Variants in ANK1 observed in about 807,000 individuals in gnomAD.
ANK1 encodes ankyrin 1.
A neutral mutation model predicts 210.4 loss-of-function variants in ANK1; 51 were observed. The ratio of observed to expected loss-of-function variants is 0.24; its 90% CI spans 0.19 to 0.31. The LOEUF (loss-of-function observed/expected upper bound fraction) is 0.31, where lower values mean the gene tolerates loss of function less well. ANK1 is among the 10% of genes least tolerant of loss of function. ANK1 has a pLI of 1.00. For missense variants in ANK1, 2,051 were observed against 2,504.4 expected, an observed-to-expected ratio of 0.82 and a Z score of 3.86; for synonymous variants, 967 against 1,025.9, an observed-to-expected ratio of 0.94 and a Z score of 1.10.
intron 1 of ANK1, among the ~76,000 whole-genome samples, chr8:41,836,474 T>A (rs994425141): frequency 2.0e-5 from 3 of 152,220 alleles, no homozygotes; most frequent in African/African-American, 7.2e-5. Context: ...TGCTGGGCCC[T>A]TCCTTGACAC....
intron 31 of ANK1, among the ~76,000 whole-genome samples, chr8:41,692,146 T>TC (rs1251482287): frequency 5.3e-5 from 8 of 151,682 alleles, no homozygotes; most frequent in Non-Finnish European, 1.2e-4. Context: ...AACCTCTGCC[T>TC]CCCGGGTTCA....
intron 1 of ANK1, among the ~76,000 whole-genome samples, chr8:41,794,746 C>T (rs1276992400): frequency 6.6e-6 from 1 of 152,140 alleles, no homozygotes; most frequent in African/African-American, 2.4e-5. Context: ...ACTCTGTCAC[C>T]CAGGCTGGAG....
At chr8:41,770,421 G>C (rs2150733040) in intron 1 of ANK1, among the ~76,000 whole-genome samples, 1 of 152,318 alleles carries the variant, frequency 6.6e-6, no homozygotes, top group East Asian at 1.9e-4. Flanking sequence ...GATCTTACAA[G>C]TAAAATATTC....
rs562427882 is a variant in ANK1 at position 41,768,206 on chromosome 8, T to C, written c.28-10069A>G. Among the ~76,000 whole-genome samples the C allele has an allele frequency of 3.4e-4, 51 of 152,108 alleles. 1 individual carries two copies. In the South Asian group the frequency reaches 1.0e-2, roughly 30 times the overall value. ...AGACTAGGGGTGACATCATCAAGAG[T>C]AGGCTCAATTCAGAGGGATGAGGGA... On this transcript the variant is annotated intron_variant, in intron 1 of 42. Coordinates refer to ENST00000289734, the MANE Select transcript of ANK1 (RefSeq NM_000037.4).
At chr8:41,867,802 C>T (rs138068522) in intron 1 of ANK1, among the ~76,000 whole-genome samples, 1 of 152,340 alleles carries the variant, frequency 6.6e-6, no homozygotes, top group East Asian at 1.9e-4. Context: ...CAGCACAAGG[C>T]ACACAGTCAA....
intron 1 of ANK1, among the ~76,000 whole-genome samples, chr8:41,786,070 C>T (rs578088048): frequency 6.6e-6 from 1 of 152,338 alleles, no homozygotes; most frequent in South Asian, 2.1e-4. Context: ...TCTCCTCCTC[C>T]CGAGTTTCCA....
intron 2 of ANK1, among the ~76,000 whole-genome samples, chr8:41,748,739 A>T (rs751942753): frequency 1.3e-5 from 2 of 152,238 alleles, no homozygotes; most frequent in Non-Finnish European, 2.9e-5. Context: ...AGCTCAAAAA[A>T]TATTTGTTGA....
intron 1 of ANK1, among the ~76,000 whole-genome samples, chr8:41,826,023 C>T (rs1245375499): frequency 6.6e-6 from 1 of 152,158 alleles, no homozygotes; most frequent in Non-Finnish European, 1.5e-5. Context: ...ACCCTTGGTC[C>T]TGCCCACTAG....
At chr8:41,686,419 C>T in intron 35 of ANK1, 136 bp from the exon 36 acceptor site, 2 of 1,126,198 alleles carry the variant, frequency 1.8e-6, no homozygotes, top group Non-Finnish European at 1.3e-6. Flanking sequence ...GGCAGCCTCC[C>T]TGTGGGTTTG....
chr8:41,737,077 T>A (rs1833621591), intron 2 of ANK1, among the ~76,000 whole-genome samples: 1 of 152,160 alleles, frequency 6.6e-6, no homozygotes. Flanking sequence ...AGCAGCCGGA[T>A]CACTTGAGGG....
chr8:41,769,977 C>CTTTTTTTTTTTTTT (rs59542968), intron 1 of ANK1, among the ~76,000 whole-genome samples: 6 of 86,634 alleles, frequency 6.9e-5, no homozygotes, highest in Non-Finnish European at 1.0e-4. Context: ...TTTCTTTTTT[C>CTTTTTTTTTTTTTT]TTTTTTTTTT....
In ANK1 at chr8:41,821,077, C is replaced by A. The variant is rs569727853; in HGVS notation, c.127-62940G>T. On this transcript the variant is annotated intron_variant, in intron 1 of 42. Transcript: ENST00000265709. ...ACAAAGCAACAGCTTTTCAGTGCTACTCCTGTGTCTGCAGTTTCTCAGAAT... is the reference window on the plus strand; with the variant it reads ...ACAAAGCAACAGCTTTTCAGTGCTAATCCTGTGTCTGCAGTTTCTCAGAAT... 1.4e-3 allele frequency among the ~76,000 whole-genome samples: 209 copies of A among 152,186 alleles called. 1 individual carries two copies. The highest frequency in any genetic ancestry group is 2.1e-3 in the Non-Finnish European group (145 of 68,040).
At chr8:41,659,500 C>T (rs982714062) in intron 42 of ANK1, among the ~76,000 whole-genome samples, 4 of 152,148 alleles carry the variant, frequency 2.6e-5, no homozygotes, top group African/African-American at 9.7e-5. Context: ...ATGCAGAATC[C>T]GTGAATGATG....
intron 1 of ANK1, among the ~76,000 whole-genome samples, chr8:41,817,984 C>T (rs554447421): frequency 3.3e-5 from 5 of 152,352 alleles, no homozygotes; most frequent in South Asian, 2.1e-4. Flanking sequence ...TGTTTCTGTC[C>T]GGCCACATTC....
intron 1 of ANK1, among the ~76,000 whole-genome samples, chr8:41,852,301 A>T (rs777722886): frequency 3.9e-4 from 60 of 152,210 alleles, no homozygotes; most frequent in Non-Finnish European, 1.9e-4. Context: ...GCCCGCCCTA[A>T]GACGTGGCCC....
At chr8:41,683,329 G>A (rs1334480752) in intron 37 of ANK1, among the ~76,000 whole-genome samples, 1 of 152,122 alleles carries the variant, frequency 6.6e-6, no homozygotes, top group African/African-American at 2.4e-5. Context: ...ATCAGCAGAT[G>A]GGCCCTGCTC....
At chr8:41,724,835 A>T (rs1830261983) in intron 6 of ANK1, among the ~76,000 whole-genome samples, 1 of 152,164 alleles carries the variant, frequency 6.6e-6, no homozygotes, top group African/African-American at 2.4e-5. Context: ...TCATTCATGA[A>T]TGAAAGTGTA....
intron 11 of ANK1, among the ~76,000 whole-genome samples, 198 bp downstream of exon 11, chr8:41,717,908 T>A (rs1264102392): frequency 6.6e-6 from 1 of 152,204 alleles, no homozygotes; most frequent in Non-Finnish European, 1.5e-5. Context: ...AAAAATTGTG[T>A]CTGATCTTGG....
In ANK1 at chr8:41,724,892, G is replaced by T. The variant is rs141539493; in HGVS notation, c.613-338C>A. Among the ~76,000 whole-genome samples the T allele has an allele frequency of 2.6e-4, 40 of 152,182 alleles. No homozygotes were observed. The East Asian group carries it at 7.5e-3, about 29-fold the overall frequency. Reference sequence around the variant, plus strand: ...CCTCCCATTTAGACAGGGTCTCACTGTGTTGCCCAGGCTGGAGTGCAGTGT... The same window carrying T: ...CCTCCCATTTAGACAGGGTCTCACTTTGTTGCCCAGGCTGGAGTGCAGTGT... On this transcript the variant is annotated intron_variant, in intron 6 of 42. Coordinates refer to ENST00000289734, the MANE Select transcript of ANK1 (RefSeq NM_000037.4).
Sources: gnomAD v4.1 joint callset for allele counts (sites outside exome capture counted in the v4.1 genomes callset) on GRCh38, gnomAD v4.1.1 for gene constraint, MANE v1.5 for transcripts, NCBI Gene and HGNC (gene_info 2026-07-23, HGNC 2026-07-21) for gene names.